RTN4RL1: variants seen among roughly 807,000 people sequenced by gnomAD.
RTN4RL1 encodes the protein reticulon 4 receptor like 1.
RTN4RL1 carries 7 observed loss-of-function variants against 25.6 expected under a neutral mutation model. The observed-to-expected ratio is 0.27, with a 90% CI of 0.16 to 0.51. The LOEUF (loss-of-function observed/expected upper bound fraction) is 0.51. Among genes scored for constraint, RTN4RL1 ranks in the 20% least tolerant of loss-of-function variants. The probability of loss-of-function intolerance (pLI) is 0.97; values close to 1 mark genes in which losing one functional copy is unlikely to be tolerated. For missense variants in RTN4RL1, 500 were observed against 615.6 expected, an observed-to-expected ratio of 0.81 and a Z score of 1.99; for synonymous variants, 297 against 288.2, an observed-to-expected ratio of 1.03 and a Z score of -0.31.
Position 1,936,787 on chromosome 17 carries a change from G to C in RTN4RL1, c.1035C>G (p.Pro345=), listed in dbSNP as rs967498434. 3.8e-6 allele frequency: 6 copies of C among 1,588,010 alleles called. No homozygotes were observed. Among genetic ancestry groups the C allele is most frequent in the Non-Finnish European group, 4.3e-6 (5 of 1,168,972 alleles). ...PTRSKGHPHG[P]RPGHRKPGKN... is the part of the protein sequence containing the mutation. ...TCCCCGGCTTCCTGTGGCCGGGCCG[G>C]GGGCCGTGCGGGTGGCCCTTGCTCC... The change falls in exon 2 of 2, where the codon CCC becomes CCG. Residue 345 remains proline, a synonymous_variant. Transcript: ENST00000331238.
intron 1 of RTN4RL1, among the ~76,000 whole-genome samples, chr17:1,943,262 C>T (rs1052656165): frequency 6.6e-6 from 1 of 152,264 alleles, no homozygotes; most frequent in Non-Finnish European, 1.5e-5. Context: ...AGGCCTCAAC[C>T]CAGCTGACTG....
At chr17:1,954,672 G>A (rs1430816618) in intron 1 of RTN4RL1, among the ~76,000 whole-genome samples, 2 of 152,172 alleles carry the variant, frequency 1.3e-5, no homozygotes, top group Non-Finnish European at 2.9e-5. Context: ...ACAGACAGGA[G>A]CCACTGCGCC....
At chr17:2,007,575 T>C (rs1308353731) in intron 1 of RTN4RL1, among the ~76,000 whole-genome samples, 1 of 152,146 alleles carries the variant, frequency 6.6e-6, no homozygotes, top group Non-Finnish European at 1.5e-5. Context: ...ATGCTGGCTG[T>C]GGCATGGTCT....
In RTN4RL1 at chr17:1,936,097, C is replaced by A; in HGVS notation, c.*399G>T. 2 of 1,017,934 alleles carry A rather than the reference C, an allele frequency of 2.0e-6. No homozygotes were observed. The highest frequency in any genetic ancestry group is 3.4e-5 in the African/African-American group (2 of 58,258). The allele number at this position is 1,017,934 out of a possible 1,614,324, so 63.1% of individuals were successfully genotyped here. On this transcript the variant is annotated 3_prime_UTR_variant, in exon 2 of 2. Coordinates refer to ENST00000331238, the MANE Select transcript of RTN4RL1 (RefSeq NM_178568.4). ...GAGCCTCATTTGTTCTTCTCTGCGT[C>A]CTGCTTTCTCCAGGAACCACGGGGC...
chr17:2,006,216 G>A (rs1309617929), intron 1 of RTN4RL1, among the ~76,000 whole-genome samples: 1 of 149,844 alleles, frequency 6.7e-6, no homozygotes, highest in Non-Finnish European at 1.5e-5. Flanking sequence ...GGAGTGCAAT[G>A]GCACAATCTC....
intron 1 of RTN4RL1, among the ~76,000 whole-genome samples, chr17:1,993,126 T>C (rs1281042962): frequency 2.0e-5 from 3 of 152,124 alleles, no homozygotes; most frequent in East Asian, 3.9e-4. Flanking sequence ...TGAGCACCTG[T>C]GATCCCAGCT....
At chr17:2,019,386 CTCG>C (rs1468057785) in intron 1 of RTN4RL1, 1 of 152,362 alleles carries the variant, frequency 6.6e-6, no homozygotes, top group African/African-American at 2.4e-5. Flanking sequence ...CAGTTCTGCT[CTCG>C]ACATCCTTCA....
chr17:1,974,309 T>G (rs1760183987), intron 1 of RTN4RL1, among the ~76,000 whole-genome samples: 1 of 151,924 alleles, frequency 6.6e-6, no homozygotes, highest in Non-Finnish European at 1.5e-5. Flanking sequence ...GAGGATGGCT[T>G]GAGCCCAGGA....
At chr17:2,020,847 T>C (rs1044565745) in intron 1 of RTN4RL1, 5 of 151,916 alleles carry the variant, frequency 3.3e-5, no homozygotes, top group African/African-American at 1.2e-4. Context: ...TCTGTTTTCA[T>C]AGCTCTACAC....
At chr17:2,000,998 C>G (rs754368784) in intron 1 of RTN4RL1, among the ~76,000 whole-genome samples, 1 of 152,024 alleles carries the variant, frequency 6.6e-6, no homozygotes, top group Non-Finnish European at 1.5e-5. Flanking sequence ...TGACAGGCTG[C>G]CCTCTGTGTC....
rs1246430918 is a variant in RTN4RL1, at chr17:1,935,942, C to T, written c.*554G>A. 2.4e-5 allele frequency: 24 copies of T among 985,390 alleles called. No homozygotes were observed. Among genetic ancestry groups the T allele is most frequent in the South Asian group, 1.4e-4 (3 of 21,264 alleles). 61.0% of individuals were successfully genotyped at this position (985,390 alleles called of 1,614,324 possible). On this transcript the variant is annotated 3_prime_UTR_variant, in exon 2 of 2. Coordinates refer to ENST00000331238, the MANE Select transcript of RTN4RL1 (RefSeq NM_178568.4). ...TGCCTGAGACATCAGGAATGAGAGG[C>T]GCTACCCCCGAGGGAGGGGCTGAAG...
chr17:1,961,955 A>AG (rs1395919135), intron 1 of RTN4RL1, among the ~76,000 whole-genome samples: 2 of 126,508 alleles, frequency 1.6e-5, no homozygotes, highest in Non-Finnish European at 3.7e-5. Flanking sequence ...CTCAAAAAAA[A>AG]AAAAGAAAAG....
At chr17:1,962,870 A>G (rs1432386787) in intron 1 of RTN4RL1, among the ~76,000 whole-genome samples, 1 of 151,558 alleles carries the variant, frequency 6.6e-6, no homozygotes, top group African/African-American at 2.4e-5. Context: ...TCAGAAAAAA[A>G]AAAAAAAAAA....
At chr17:2,015,706 G>A (rs2067112055) in intron 1 of RTN4RL1, among the ~76,000 whole-genome samples, 2 of 152,168 alleles carry the variant, frequency 1.3e-5, no homozygotes, top group South Asian at 2.1e-4. Flanking sequence ...CTGGCTTGAG[G>A]AGTGAGAGGT....
intron 1 of RTN4RL1, among the ~76,000 whole-genome samples, chr17:1,996,223 T>C (rs949969298): frequency 2.6e-5 from 4 of 152,180 alleles, no homozygotes; most frequent in African/African-American, 9.7e-5. Context: ...ATTGAACCCA[T>C]CTCTGAGGCC....
At chr17:1,982,153 T>G (rs1393624410) in intron 1 of RTN4RL1, among the ~76,000 whole-genome samples, 1 of 151,594 alleles carries the variant, frequency 6.6e-6, no homozygotes, top group Non-Finnish European at 1.5e-5. Flanking sequence ...CTACAAAAAT[T>G]AGCTGGGCGT....
intron 1 of RTN4RL1, among the ~76,000 whole-genome samples, chr17:1,973,490 C>A (rs1296947423): frequency 2.0e-5 from 3 of 148,722 alleles, no homozygotes; most frequent in African/African-American, 7.4e-5. Flanking sequence ...TGCACTCCAG[C>A]GTGGGCAACA....
chr17:2,000,775 C>A (rs1438355068), intron 1 of RTN4RL1, among the ~76,000 whole-genome samples: 5 of 152,146 alleles, frequency 3.3e-5, no homozygotes, highest in African/African-American at 1.2e-4. Flanking sequence ...CCAGCTCAGC[C>A]TCCCGAAGTA....
chr17:1,937,555 G>A lies in RTN4RL1; in HGVS notation c.267C>T (p.Thr89=). The change falls in exon 2 of 2, where the codon ACC becomes ACT. Residue 89 remains threonine, a synonymous_variant. Coordinates refer to ENST00000331238, the MANE Select transcript of RTN4RL1 (RefSeq NM_178568.4). ...VTLWIYSNNI[T]YIHPSTFEGF... Reference sequence around the variant, plus strand: ...CCTCGAAGGTGCTGGGGTGGATGTAGGTGATGTTGTTCGAGTAGATCCACA... The same window carrying A: ...CCTCGAAGGTGCTGGGGTGGATGTAAGTGATGTTGTTCGAGTAGATCCACA... The A allele has an allele frequency of 6.2e-7, 1 of 1,614,000 alleles. No homozygotes were observed.
Sources: gnomAD v4.1 joint callset for allele counts (sites outside exome capture counted in the v4.1 genomes callset) on GRCh38, gnomAD v4.1.1 for gene constraint, MANE v1.5 for transcripts, NCBI Gene and HGNC (gene_info 2026-07-23, HGNC 2026-07-21) for gene names.